SIN3A: variants seen among roughly 807,000 people sequenced by gnomAD.
SIN3A encodes the protein paired amphipathic helix protein Sin3a.
In SIN3A, 14 loss-of-function variants were observed where a neutral mutation model predicts 146.1. The ratio of observed to expected loss-of-function variants is 0.10; its 90% CI spans 0.06 to 0.15. SIN3A has a LOEUF of 0.15. SIN3A is among the 10% of genes least tolerant of loss of function. SIN3A has a pLI of 1.00. For missense variants in SIN3A, 1,028 were observed against 1,576.0 expected (o/e 0.65, Z 5.89); for synonymous variants, 572 against 572.0 (o/e 1.00, Z 0.00).
intron 1 of SIN3A, among the ~76,000 whole-genome samples, chr15:75,436,150 A>C (rs1595924433): frequency 6.6e-6 from 1 of 151,830 alleles, no homozygotes; most frequent in Admixed American, 6.6e-5. Context: ...AAAACAAAAA[A>C]AACAAAAAAG....
At chr15:75,382,778 C>T (rs1159263178) in intron 17 of SIN3A, among the ~76,000 whole-genome samples, 1 of 152,014 alleles carries the variant, frequency 6.6e-6, no homozygotes, top group Admixed American at 6.6e-5. Context: ...GAAACCACAT[C>T]TCTACTAAAA....
At chr15:75,427,423 A>C (rs2073943693) in intron 2 of SIN3A, among the ~76,000 whole-genome samples, 1 of 152,062 alleles carries the variant, frequency 6.6e-6, no homozygotes, top group Non-Finnish European at 1.5e-5. Context: ...TAATCCCAGC[A>C]CTTTGGAAGG....
chr15:75,426,440 C>A lies in SIN3A; in HGVS notation c.190-3617G>T, dbSNP rs1442893409. The stretch of plus-strand genomic sequence containing the variant: ...TAACAAAACCATCTGACACAAACTG[C>A]CAAATTGCTCTCAAAAAAGATTACG... On this transcript the variant is annotated intron_variant, in intron 2 of 20. Transcript: ENST00000394947. Among the ~76,000 whole-genome samples, 3 of 152,152 alleles carry A rather than the reference C, an allele frequency of 2.0e-5. No individual in the cohort carries two copies. The East Asian group carries it at 5.8e-4, about 29-fold the overall frequency.
upstream of SIN3A, chr15:75,451,805 T>C: frequency 6.9e-6 from 1 of 144,066 alleles, no homozygotes. Flanking sequence ...CACCGAGGCC[T>C]GTCTTATGAT....
intron 12 of SIN3A, among the ~76,000 whole-genome samples, chr15:75,399,183 G>A (rs566528244): frequency 1.5e-3 from 222 of 152,104 alleles, no homozygotes; most frequent in African/African-American, 5.0e-3. Context: ...TTGTGCCACT[G>A]CACTGCAGCC....
chr15:75,378,996 T>A (rs1323723095), intron 19 of SIN3A, among the ~76,000 whole-genome samples: 1 of 151,778 alleles, frequency 6.6e-6, no homozygotes, highest in Non-Finnish European at 1.5e-5. Flanking sequence ...CGCCTTCCGG[T>A]TCAAGCAATT....
chr15:75,445,428 G>A (rs1407153008), intron 1 of SIN3A, among the ~76,000 whole-genome samples: 1 of 150,108 alleles, frequency 6.7e-6, no homozygotes, highest in Admixed American at 6.6e-5. Context: ...GGTGGTGGGT[G>A]CCTGTAATCC....
At position 75,371,644 on chromosome 15, in the gene SIN3A, AAGTT is replaced by A. The variant is rs1395820782; in HGVS notation, c.*331_*334del. The A allele has an allele frequency of 1.9e-5, 5 of 262,796 alleles. No homozygotes were observed. Among genetic ancestry groups the A allele is most frequent in the Non-Finnish European group, 2.9e-5 (4 of 138,972 alleles). 16.3% of individuals were successfully genotyped at this position (262,796 alleles called of 1,614,324 possible). A position where few individuals can be genotyped will look rare whatever the true frequency, so the allele number is the denominator to read the frequency against. Reference sequence around the variant, plus strand: ...GAACAGCATCCGGTTCCCTCATTGAAAGTTAGGCCACAGGAGACTCCAGTCTTAG... The same window carrying A: ...GAACAGCATCCGGTTCCCTCATTGAAAGGCCACAGGAGACTCCAGTCTTAG... On this transcript the variant is annotated 3_prime_UTR_variant, in exon 21 of 21. Coordinates refer to ENST00000394947, the MANE Select transcript of SIN3A (RefSeq NM_001145358.2).
chr15:75,453,557 G>C (rs369780321), upstream of SIN3A: 257 of 152,620 alleles, frequency 1.7e-3, 6 homozygotes, highest in South Asian at 0.051. Context: ...CGTGAACACA[G>C]GGTACCACCT....
intron 12 of SIN3A, 86 bp downstream of exon 12, chr15:75,399,954 T>C (rs1420228290): frequency 2.6e-6 from 2 of 781,470 alleles, no homozygotes; most frequent in Non-Finnish European, 4.4e-6. Flanking sequence ...GGCTCTTCCA[T>C]CTTAATAACC....
intron 1 of SIN3A, among the ~76,000 whole-genome samples, chr15:75,433,428 G>A (rs932607825): frequency 4.6e-5 from 7 of 152,006 alleles, no homozygotes; most frequent in Non-Finnish European, 7.4e-5. Flanking sequence ...TTAAAATATC[G>A]TTTCTTTTAT....
intron 1 of SIN3A, among the ~76,000 whole-genome samples, chr15:75,433,052 CA>C (rs905369483): frequency 4.0e-5 from 6 of 151,056 alleles, no homozygotes; most frequent in Non-Finnish European, 5.9e-5. Context: ...ATAACAACAA[CA>C]AAAAAAAACT....
In SIN3A at chr15:75,412,835, G is replaced by T. The variant is rs912890097; in HGVS notation, c.684C>A (p.Ser228=). The T allele has an allele frequency of 8.7e-6, 14 of 1,612,212 alleles. No individual in the cohort carries two copies. Among genetic ancestry groups the T allele is most frequent in the Non-Finnish European group, 1.2e-5 (14 of 1,178,826 alleles). The part of the protein sequence containing the change: ...PQPQPPPQHP[S]QPSAQSAPAP... ...CTGGGGCTGACTGGGCTGAAGGCTG[G>T]GAAGGATGTTGGGGTGGTGGTTGAG... is the stretch of plus-strand genomic sequence containing the variant. Residue 228 remains serine (S), a synonymous_variant, in exon 5 of 21, where the codon TCC becomes TCA. Coordinates refer to ENST00000394947, the MANE Select transcript of SIN3A (RefSeq NM_001145358.2).
intron 3 of SIN3A, 44 bp from the exon 4 acceptor site, chr15:75,414,355 TCATAATTACAAAAAAAAAACAAAAA>T: frequency 9.3e-7 from 1 of 1,070,908 alleles, no homozygotes; most frequent in South Asian, 2.5e-5. Context: ...GAAAGTAAGC[TCATAATTACAAAAAAAAAACAAAAA>T]CAAATTATTT....
In SIN3A at chr15:75,411,679, G is replaced by A; in HGVS notation, c.821C>T (p.Ser274Phe). Reference protein sequence around the residue: ...QQTPPLPPYASPRSPPVQPHT... With the variant: ...QQTPPLPPYAFPRSPPVQPHT... Reference sequence around the variant, plus strand: ...AGGCTGGACCGGCGGAGAACGTGGGGATGCATACGGTGGAAGTGGGGGAGT... The same window carrying A: ...AGGCTGGACCGGCGGAGAACGTGGGAATGCATACGGTGGAAGTGGGGGAGT... The change falls in exon 6 of 21, where the codon TCC becomes TTC. Residue 274 changes from serine to phenylalanine, a missense_variant. Physicochemically the swap from Ser to Phe is radical, Grantham distance 155. Coordinates refer to ENST00000394947, the MANE Select transcript of SIN3A (RefSeq NM_001145358.2). 3 of 1,613,918 alleles carry A rather than the reference G, an allele frequency of 1.9e-6. No homozygotes were observed. Among genetic ancestry groups the A allele is most frequent in the Non-Finnish European group, 2.5e-6 (3 of 1,179,834 alleles).
chr15:75,404,779 C>T (rs11856937), intron 9 of SIN3A, among the ~76,000 whole-genome samples: 1 of 147,792 alleles, frequency 6.8e-6, no homozygotes, highest in Non-Finnish European at 1.5e-5. Flanking sequence ...AAAAAAAAAA[C>T]AAAAAAACAA....
At chr15:75,437,036 G>C (rs886409355) in intron 1 of SIN3A, among the ~76,000 whole-genome samples, 4 of 152,174 alleles carry the variant, frequency 2.6e-5, no homozygotes, top group South Asian at 4.2e-4. Flanking sequence ...CTTAAGACAT[G>C]CCTGGCCCTG....
chr15:75,397,929 C>G (rs1404989409), intron 12 of SIN3A, among the ~76,000 whole-genome samples: 1 of 152,220 alleles, frequency 6.6e-6, no homozygotes, highest in Non-Finnish European at 1.5e-5. Context: ...AAGTTAACAT[C>G]TGTCTTGATT....
intron 16 of SIN3A, among the ~76,000 whole-genome samples, chr15:75,386,813 G>C (rs1238187385): frequency 6.6e-6 from 1 of 152,126 alleles, no homozygotes; most frequent in Non-Finnish European, 1.5e-5. Context: ...TCTTAAGCCA[G>C]CCTACAATAG....
Sources: allele counts gnomAD v4.1 joint callset (sites outside exome capture counted in the v4.1 genomes callset), GRCh38; gene constraint gnomAD v4.1.1; transcripts MANE v1.5; gene names NCBI Gene and HGNC (gene_info 2026-07-23, HGNC 2026-07-21).